THAP8: variants seen among roughly 807,000 people sequenced by gnomAD.
THAP8 encodes THAP domain-containing protein 8.
Under a neutral mutation model 25.0 loss-of-function variants are expected in THAP8, and 24 were observed. That is an observed-to-expected ratio of 0.96 (90% CI 0.69 to 1.35). The LOEUF (loss-of-function observed/expected upper bound fraction) is 1.35. Among genes scored for constraint, THAP8 ranks in the 40% most tolerant of loss-of-function variants. The pLI is 0.00. For missense variants in THAP8, 399 were observed against 368.8 expected, an observed-to-expected ratio of 1.08 and a Z score of -0.67; for synonymous variants, 169 against 157.6, an observed-to-expected ratio of 1.07 and a Z score of -0.54.
chr19:36,045,687 G>C (rs945247671), intron 1 of THAP8: 3 of 454,842 alleles, frequency 6.6e-6, no homozygotes, highest in African/African-American at 6.0e-5. Context: ...TTAATAAGAG[G>C]GAGGAGAATA....
chr19:36,046,464 T>C lies in THAP8; in HGVS notation c.84-6328A>G, dbSNP rs143688064. On this transcript the variant is annotated intron_variant, in intron 1 of 3. Transcript: ENST00000292894. ...AGGAGGTGGATGGGATGAACGGAGA[T>C]GGGGAGAGCCAAGACTTCTCAGACA... is the stretch of plus-strand genomic sequence containing the variant. 3.3e-5 allele frequency among the ~76,000 whole-genome samples: 5 copies of C among 152,034 alleles called. No homozygotes were observed. In the East Asian group the frequency reaches 9.7e-4, roughly 29 times the overall value.
At position 36,035,595 on chromosome 19, in the gene THAP8, A is replaced by G. The variant is rs560343226; in HGVS notation, c.673-3T>C. On this transcript the variant is annotated splice_polypyrimidine_tract_variant and splice_region_variant and intron_variant, in intron 3 of 3. Coordinates refer to ENST00000292894, the MANE Select transcript of THAP8 (RefSeq NM_152658.3). ...GGTCCAAGGGTCTGGGCTGTTGTCT[A>G]AGGCAAAGAAGTGGTAGAGATGGGG... is the stretch of plus-strand genomic sequence containing the variant. The G allele has an allele frequency of 6.2e-7, 1 of 1,612,104 alleles. No homozygotes were observed. Among genetic ancestry groups the G allele is most frequent in the Admixed American group, 1.7e-5 (1 of 59,836 alleles).
chr19:36,044,493 TCTTTC>T (rs1217987778), intron 1 of THAP8, among the ~76,000 whole-genome samples: 2 of 152,110 alleles, frequency 1.3e-5, no homozygotes. Flanking sequence ...TCTTTTCTTT[TCTTTC>T]TTTTTTTTTG....
intron 3 of THAP8, among the ~76,000 whole-genome samples, chr19:36,037,343 T>TAGACACACAC (rs1491146173): frequency 5.2e-5 from 6 of 114,760 alleles, no homozygotes; most frequent in Non-Finnish European, 1.1e-4. Context: ...ATTCCTCCCC[T>TAGACACACAC]ACACACACAC....
intron 1 of THAP8, among the ~76,000 whole-genome samples, chr19:36,045,359 C>T (rs1358552434): frequency 4.0e-5 from 6 of 149,436 alleles, no homozygotes; most frequent in Non-Finnish European, 8.9e-5. Context: ...GCATCAAACT[C>T]CCCAAGCTCA....
upstream of THAP8, chr19:36,054,348 C>A (rs1970219070): frequency 8.8e-7 from 1 of 1,131,758 alleles, no homozygotes; most frequent in South Asian, 1.4e-5. Context: ...TCGTCACGTA[C>A]CGGGGAGAGA....
intron 1 of THAP8, among the ~76,000 whole-genome samples, chr19:36,045,069 C>CTTTA (rs141529354): frequency 0.14 from 20,927 of 151,318 alleles, 1,776 homozygotes; most frequent in Middle Eastern, 0.25. Context: ...GTGACTATTA[C>CTTTA]TTTATTTATT....
intron 1 of THAP8, among the ~76,000 whole-genome samples, chr19:36,052,813 A>G (rs1249064893): frequency 6.6e-6 from 1 of 152,248 alleles, no homozygotes; most frequent in Non-Finnish European, 1.5e-5. Flanking sequence ...GATTTCAAAC[A>G]GCAAAGTTTG....
intron 1 of THAP8, among the ~76,000 whole-genome samples, chr19:36,052,858 T>C (rs1970093190): frequency 6.6e-6 from 1 of 152,208 alleles, no homozygotes; most frequent in African/African-American, 2.4e-5. Context: ...CAAAGTTTCC[T>C]ACTAAGAAAG....
intron 1 of THAP8, 82 bp downstream of exon 1, chr19:36,054,052 GC>G: frequency 6.8e-7 from 1 of 1,468,898 alleles, no homozygotes; most frequent in Non-Finnish European, 9.3e-7. Context: ...AAGACCAGAA[GC>G]CCCGCACAGC....
At chr19:36,040,580 G>T (rs947633506) in intron 1 of THAP8, among the ~76,000 whole-genome samples, 1 of 152,032 alleles carries the variant, frequency 6.6e-6, no homozygotes, top group Admixed American at 6.6e-5. Context: ...ACCCACCTTG[G>T]CCTCCCAAAG....
chr19:36,039,282 A>G, intron 3 of THAP8, 41 bp downstream of exon 3: 2 of 1,425,930 alleles, frequency 1.4e-6, no homozygotes, highest in Non-Finnish European at 1.8e-6. Flanking sequence ...AGGCCAGGCC[A>G]CCACCCATGG....
chr19:36,054,667 A>C, upstream of THAP8: 1 of 566,052 alleles, frequency 1.8e-6, no homozygotes, highest in South Asian at 2.0e-5. Context: ...TTAGCCTCGT[A>C]AAAATTAAAA....
chr19:36,052,056 T>G (rs1320390388), intron 1 of THAP8, among the ~76,000 whole-genome samples: 1 of 151,098 alleles, frequency 6.6e-6, no homozygotes, highest in African/African-American at 2.4e-5. Flanking sequence ...GTTTTTTGGT[T>G]TTTTTTTTAG....
intron 3 of THAP8, among the ~76,000 whole-genome samples, chr19:36,035,816 G>C (rs973045786): frequency 6.6e-6 from 1 of 151,986 alleles, no homozygotes; most frequent in African/African-American, 2.4e-5. Context: ...GAGAAGTGCG[G>C]GGGCACAGAC....
chr19:36,042,325 C>T (rs1969721264), intron 1 of THAP8, among the ~76,000 whole-genome samples: 1 of 151,974 alleles, frequency 6.6e-6, no homozygotes, highest in African/African-American at 2.4e-5. Flanking sequence ...TATTTGCACA[C>T]CTGCGTTCGT....
At chr19:36,035,617 G>T in intron 3 of THAP8, 25 bp from the exon 4 acceptor site, 1 of 1,603,224 alleles carries the variant, frequency 6.2e-7, no homozygotes, top group Non-Finnish European at 8.5e-7. Context: ...TGGTAGAGAT[G>T]GGGAACATTA....
At chr19:36,036,272 C>T (rs1392652675) in intron 3 of THAP8, among the ~76,000 whole-genome samples, 16 of 110,466 alleles carry the variant, frequency 1.4e-4, no homozygotes, top group South Asian at 9.2e-4. Flanking sequence ...AAAGACCAGA[C>T]TTTTTTTTTT....
chr19:36,039,225 TTC>T, intron 3 of THAP8, 96 bp downstream of exon 3: 1 of 1,372,582 alleles, frequency 7.3e-7, no homozygotes, highest in South Asian at 1.6e-5. Flanking sequence ...CGGCTGAATG[TTC>T]TGATTTTTGA....
Sources: allele counts gnomAD v4.1 joint callset (sites outside exome capture counted in the v4.1 genomes callset), GRCh38; gene constraint gnomAD v4.1.1; transcripts MANE v1.5; gene names NCBI Gene and HGNC (gene_info 2026-07-23, HGNC 2026-07-21).